RBFOX1: variants seen among roughly 807,000 people sequenced by gnomAD.
RBFOX1 encodes RNA binding protein fox-1 homolog 1.
In RBFOX1, 8 loss-of-function variants were observed where a neutral mutation model predicts 57.7. The observed-to-expected ratio is 0.14, with a 90% CI of 0.08 to 0.25. The LOEUF is 0.25. Ranked by LOEUF, RBFOX1 falls within the 10% of genes least tolerant of loss-of-function variation. RBFOX1 has a pLI of 1.00. For missense variants in RBFOX1, 611 were observed against 548.5 expected (o/e 1.11, Z -1.14); for synonymous variants, 326 against 222.4 (o/e 1.47, Z -4.15).
intron 9 of RBFOX1, among the ~76,000 whole-genome samples, chr16:7,605,658 C>G (rs574366732): frequency 1.3e-5 from 2 of 152,312 alleles, no homozygotes; most frequent in African/African-American, 4.8e-5. Context: ...GGCAGAAAAT[C>G]ACACCTCTCT....
chr16:5,532,739 C>T (rs2044537669), intron 2 of RBFOX1, among the ~76,000 whole-genome samples: 1 of 152,206 alleles, frequency 6.6e-6, no homozygotes, highest in Non-Finnish European at 1.5e-5. Context: ...AAAGTGGCTT[C>T]ACCCAGGAAT....
intron 3 of RBFOX1, among the ~76,000 whole-genome samples, chr16:7,016,110 C>A (rs531838658): frequency 6.6e-6 from 1 of 152,118 alleles, no homozygotes; most frequent in African/African-American, 2.4e-5. Context: ...TAGTAAAGTT[C>A]ATCACTTCTG....
chr16:6,854,156 C>G (rs2057363616), intron 3 of RBFOX1, among the ~76,000 whole-genome samples: 1 of 152,152 alleles, frequency 6.6e-6, no homozygotes, highest in Non-Finnish European at 1.5e-5. Context: ...ATATGAGTGT[C>G]TGACGTTTAT....
At chr16:6,899,189 G>A (rs1373620208) in intron 3 of RBFOX1, among the ~76,000 whole-genome samples, 1 of 150,394 alleles carries the variant, frequency 6.6e-6, no homozygotes, top group Non-Finnish European at 1.5e-5. Context: ...TAATATGTGT[G>A]TGAGTGCATA....
intron 3 of RBFOX1, among the ~76,000 whole-genome samples, chr16:6,912,555 C>A (rs143177430): frequency 4.6e-5 from 7 of 151,926 alleles, no homozygotes; most frequent in African/African-American, 1.7e-4. Flanking sequence ...AAATTCTTTT[C>A]TCTTTGTTTC....
intron 1 of RBFOX1, among the ~76,000 whole-genome samples, chr16:6,132,440 C>G (rs766401119): frequency 6.6e-6 from 1 of 152,170 alleles, no homozygotes; most frequent in African/African-American, 2.4e-5. Context: ...AATTCCTGAG[C>G]TAGTTTTACT....
At chr16:5,512,011 CTGATTT>C (rs2043609430) in intron 2 of RBFOX1, among the ~76,000 whole-genome samples, 1 of 152,188 alleles carries the variant, frequency 6.6e-6, no homozygotes, top group Non-Finnish European at 1.5e-5. Flanking sequence ...AAATAAATCT[CTGATTT>C]CAAAGGACCC....
chr16:7,322,337 G>A (rs1603620536), intron 4 of RBFOX1, among the ~76,000 whole-genome samples: 1 of 152,234 alleles, frequency 6.6e-6, no homozygotes, highest in African/African-American at 2.4e-5. Flanking sequence ...CCCCTGCCAA[G>A]CTGTGGTGAA....
chr16:6,867,235 A>G (rs2060098298), intron 3 of RBFOX1, among the ~76,000 whole-genome samples: 1 of 152,080 alleles, frequency 6.6e-6, no homozygotes, highest in Admixed American at 6.5e-5. Context: ...GGAAAAAAAA[A>G]TACTTTTTTT....
At chr16:7,600,662 C>T (rs2094962501) in intron 9 of RBFOX1, among the ~76,000 whole-genome samples, 1 of 152,134 alleles carries the variant, frequency 6.6e-6, no homozygotes, top group Non-Finnish European at 1.5e-5. Context: ...AGGTCATCTC[C>T]AGGTGATGAA....
chr16:7,363,248 C>G (rs151268398), intron 4 of RBFOX1, among the ~76,000 whole-genome samples: 1 of 152,122 alleles, frequency 6.6e-6, no homozygotes, highest in African/African-American at 2.4e-5. Flanking sequence ...TGTTGTGTTA[C>G]TGGGCGGGGG....
Position 5,810,456 on chromosome 16 carries a change from C to T in RBFOX1, c.319-56847C>T, listed in dbSNP as rs140683548. On this transcript the variant is annotated intron_variant, in intron 3 of 19. Coordinates refer to the RBFOX1 transcript ENST00000641259. ...AATTGTGGAAAATTAATTTTTGTTG[C>T]ATAAGCACCCAGCCTGGTGCTTTGT... 5.1e-4 allele frequency among the ~76,000 whole-genome samples: 77 copies of T among 152,314 alleles called. 1 individual carries two copies. Among genetic ancestry groups the T allele is most frequent in the African/African-American group, 1.8e-3 (73 of 41,562 alleles).
intron 9 of RBFOX1, 64 bp downstream of exon 9, chr16:7,597,495 CAG>C: frequency 1.4e-6 from 2 of 1,395,960 alleles, no homozygotes; most frequent in Non-Finnish European, 1.0e-6. Context: ...GTAATTTAAC[CAG>C]AGATTCTATT....
chr16:6,132,425 G>A (rs1242770028), intron 1 of RBFOX1, among the ~76,000 whole-genome samples: 2 of 152,210 alleles, frequency 1.3e-5, no homozygotes, highest in Non-Finnish European at 2.9e-5. Context: ...ACATGAAGCA[G>A]CTTGAATTCC....
Position 6,998,515 on chromosome 16 carries a change from A to G in RBFOX1, c.-15-53542A>G, listed in dbSNP as rs9925038. On this transcript the variant is annotated intron_variant, in intron 3 of 15. Transcript: ENST00000550418. The stretch of plus-strand genomic sequence containing the variant: ...CTCTTGGCAATGACTTGGCCCTACC[A>G]GAAGCAAGAGACAAAGTTCTAAATG... Among the ~76,000 whole-genome samples the G allele has an allele frequency of 2.7e-3, 406 of 152,330 alleles. 4 individuals are homozygous for G. The highest frequency in any genetic ancestry group is 9.3e-3 in the African/African-American group (388 of 41,574).
At chr16:6,941,345 TC>T (rs2078474515) in intron 3 of RBFOX1, among the ~76,000 whole-genome samples, 1 of 143,448 alleles carries the variant, frequency 7.0e-6, no homozygotes, top group South Asian at 2.4e-4. Flanking sequence ...CTTCCTTCCT[TC>T]CTTCCTTCCT....
chr16:6,267,031 G>T (rs2074595251), intron 1 of RBFOX1, among the ~76,000 whole-genome samples: 1 of 152,136 alleles, frequency 6.6e-6, no homozygotes, highest in South Asian at 2.1e-4. Context: ...TATTTTTGAT[G>T]GGATAGGTTC....
intron 4 of RBFOX1, among the ~76,000 whole-genome samples, chr16:7,489,708 G>T (rs888024785): frequency 3.5e-5 from 5 of 143,400 alleles, no homozygotes; most frequent in East Asian, 2.0e-4. Context: ...TGTAGAGACC[G>T]TTTTTTTTTT....
intron 3 of RBFOX1, among the ~76,000 whole-genome samples, chr16:5,706,058 G>A (rs533838348): frequency 6.7e-4 from 102 of 152,196 alleles, no homozygotes; most frequent in African/African-American, 2.1e-3. Context: ...TTATAGGTGC[G>A]TGCCACCATG....
Sources: gnomAD v4.1 joint callset for allele counts (sites outside exome capture counted in the v4.1 genomes callset) on GRCh38, gnomAD v4.1.1 for gene constraint, MANE v1.5 for transcripts, NCBI Gene and HGNC (gene_info 2026-07-23, HGNC 2026-07-21) for gene names.